DMD: variants seen among roughly 807,000 people sequenced by gnomAD.
DMD encodes dystrophin.
Under a neutral mutation model 330.1 loss-of-function variants are expected in DMD, and 63 were observed. The observed-to-expected ratio is 0.19, with a 90% CI of 0.16 to 0.24. DMD has a LOEUF of 0.24. Among genes scored for constraint, DMD ranks in the 10% least tolerant of loss-of-function variants. The probability of loss-of-function intolerance (pLI) is 1.00; values close to 1 mark genes in which losing one functional copy is unlikely to be tolerated. For synonymous variants in DMD, 1,223 were observed against 959.8 expected, an observed-to-expected ratio of 1.27 and a Z score of -5.07; for missense variants, 3,344 against 2,684.1, an observed-to-expected ratio of 1.25 and a Z score of -5.43.
intron 29 of DMD, among the ~76,000 whole-genome samples, chrX:32,420,171 G>T (rs927457951): frequency 1.8e-5 from 2 of 111,752 alleles, no homozygotes; most frequent in African/African-American, 6.5e-5. Flanking sequence ...CTCTTTGACT[G>T]CACATGTGTT....
At chrX:32,425,727 T>C (rs1198175531) in intron 29 of DMD, among the ~76,000 whole-genome samples, 1 of 111,479 alleles carries the variant, frequency 9.0e-6, no homozygotes, top group South Asian at 3.8e-4. Context: ...TCATGTTAGC[T>C]GACTTCAAAC....
intron 1 of DMD, among the ~76,000 whole-genome samples, chrX:33,235,517 G>T (rs1313769495): frequency 8.9e-6 from 1 of 111,870 alleles, no homozygotes; most frequent in Non-Finnish European, 1.9e-5. Flanking sequence ...TAATTTGTTA[G>T]TCCTACACAC....
intron 44 of DMD, among the ~76,000 whole-genome samples, chrX:32,153,142 A>C (rs1233061026): frequency 8.9e-6 from 1 of 112,262 alleles, no homozygotes; most frequent in Non-Finnish European, 1.9e-5. Context: ...AGAACAAGGG[A>C]AAACATAAGA....
intron 43 of DMD, among the ~76,000 whole-genome samples, chrX:32,238,104 G>A (rs760288024): frequency 1.2e-4 from 13 of 111,664 alleles, no homozygotes; most frequent in East Asian, 5.6e-4. Context: ...TATTTTCTCC[G>A]CACAATTTAT....
intron 30 of DMD, among the ~76,000 whole-genome samples, chrX:32,409,872 T>C (rs5972560): frequency 0.5 from 55,030 of 110,222 alleles, 10,422 homozygotes; most frequent in East Asian, 0.75. Flanking sequence ...CTCATTCCTA[T>C]CATGCATTTT....
intron 1 of DMD, among the ~76,000 whole-genome samples, chrX:33,285,286 CA>C (rs965927007): frequency 1.8e-4 from 19 of 104,797 alleles, no homozygotes; most frequent in African/African-American, 6.5e-4. Flanking sequence ...TCATAGATTT[CA>C]AAAAGTTTAA....
intron 7 of DMD, among the ~76,000 whole-genome samples, chrX:32,721,505 G>GA (rs369487460): frequency 0.017 from 1,838 of 105,391 alleles, 44 homozygotes; most frequent in African/African-American, 0.057. Context: ...CATCTTCTTT[G>GA]AAAAAAAAAA....
In DMD at chrX:32,418,971, T is replaced by TAAAAAAAAA. The variant is rs1569561948; in HGVS notation, c.4072-7059_4072-7058insTTTTTTTTT. On this transcript the variant is annotated intron_variant, in intron 29 of 78. Transcript: ENST00000357033. Reference sequence around the variant, plus strand: ...CTGGGTGACAGAGTGAGACTCTGTCTCAAAAAAAAAAAAAAAAAAAAAAAA... The same window carrying TAAAAAAAAA: ...CTGGGTGACAGAGTGAGACTCTGTCTAAAAAAAAACAAAAAAAAAAAAAAAAAAAAAAAA... Among the ~76,000 whole-genome samples, 8 of 18,921 alleles carry TAAAAAAAAA rather than the reference T, an allele frequency of 4.2e-4. 1 individual carries two copies. The African/African-American group carries it at 6.8e-3, about 16-fold the overall frequency. The allele number at this position is 18,921 out of a possible 115,157, so 16.4% of individuals were successfully genotyped here.
intron 51 of DMD, among the ~76,000 whole-genome samples, chrX:31,748,120 A>T (rs1343655389): frequency 8.9e-6 from 1 of 111,960 alleles, no homozygotes; most frequent in African/African-American, 3.2e-5. Flanking sequence ...TCTTTCTGCT[A>T]TATTAATGAT....
intron 45 of DMD, among the ~76,000 whole-genome samples, chrX:31,945,207 C>A (rs1463311579): frequency 8.9e-6 from 1 of 112,479 alleles, no homozygotes; most frequent in Non-Finnish European, 1.9e-5. Context: ...CATTAACTTA[C>A]TGTATTTTAT....
At chrX:32,362,687 A>C in intron 37 of DMD, 101 bp downstream of exon 37, 1 of 977,767 alleles carries the variant, frequency 1.0e-6, no homozygotes. Context: ...TTTCCTTTTG[A>C]AAACCTTGCT....
chrX:31,169,393 C>A (rs778733604), intron 74 of DMD, 50 bp downstream of exon 74: 1 of 995,016 alleles, frequency 1.0e-6, no homozygotes, highest in South Asian at 2.0e-5. Flanking sequence ...TCTATGTGTG[C>A]AAGTGTATGC....
intron 2 of DMD, among the ~76,000 whole-genome samples, chrX:32,850,956 A>G (rs1224243133): frequency 8.9e-6 from 1 of 111,847 alleles, no homozygotes; most frequent in East Asian, 2.8e-4. Context: ...GTACTATTAC[A>G]TAGAAGCATT....
At chrX:32,699,004 A>ATACAAAGCCTAATGTATGTATATG in intron 8 of DMD, 108 bp downstream of exon 8, 1 of 674,554 alleles carries the variant, frequency 1.5e-6, no homozygotes, top group Non-Finnish European at 2.3e-6. Flanking sequence ...CTTTGTATAT[A>ATACAAAGCCTAATGTATGTATATG]TACACGTGTA....
rs957148341 is a variant in DMD, at chrX:32,997,533, C to T, written c.93+22606G>A. Among the ~76,000 whole-genome samples the T allele has an allele frequency of 7.1e-5, 8 of 111,986 alleles. No homozygotes were observed. In the South Asian group the frequency reaches 1.1e-3, roughly 16 times the overall value. On this transcript the variant is annotated intron_variant, in intron 2 of 78. Coordinates refer to ENST00000357033, the MANE Select transcript of DMD (RefSeq NM_004006.3). ...TTCTGGGGTTATAGGCGTGAGCCAC[C>T]GCACCCGGCCCCTCTCACCTTTTGA...
chrX:31,141,845 G>A (rs764341999), intron 76 of DMD, among the ~76,000 whole-genome samples: 118 of 111,403 alleles, frequency 1.1e-3, no homozygotes, highest in African/African-American at 3.7e-3. Context: ...TGGAAGGAGC[G>A]CCCAGGGAGA....
chrX:32,565,795 A>T lies in DMD; in HGVS notation c.1899T>A (p.Asn633Lys), dbSNP rs753683083. The T allele has an allele frequency of 8.3e-7, 1 of 1,211,412 alleles. No individual in the cohort carries two copies. Among genetic ancestry groups the T allele is most frequent in the East Asian group, 3.0e-5 (1 of 33,818 alleles). ...CTTCCGTCTTCTGGGTCACTGACTT[A>T]TTCTTCAGTGTTGAAAGAAGATCTT... ...LKQDLLSTLK[N>K]KSVTQKTEAW... is the part of the protein sequence containing the mutation. The change falls in exon 16 of 79, where the codon AAT becomes AAA. Residue 633 changes from asparagine to lysine, a missense_variant. By Grantham distance (94) the Asn-to-Lys change is moderately conservative. Transcript: ENST00000357033.
chrX:31,465,418 G>C (rs1423650836), intron 59 of DMD, among the ~76,000 whole-genome samples: 2 of 110,392 alleles, frequency 1.8e-5, no homozygotes, highest in African/African-American at 6.6e-5. Context: ...ATGGGCTCTC[G>C]TTGTTCAACT....
chrX:32,588,857 C>G (rs901473995), intron 13 of DMD, among the ~76,000 whole-genome samples: 4 of 111,886 alleles, frequency 3.6e-5, no homozygotes, highest in Non-Finnish European at 7.5e-5. Context: ...GTTTCTGGTA[C>G]AGGTGTCATG....
Sources: gnomAD v4.1 joint callset for allele counts (sites outside exome capture counted in the v4.1 genomes callset) on GRCh38, gnomAD v4.1.1 for gene constraint, MANE v1.5 for transcripts, NCBI Gene and HGNC (gene_info 2026-07-23, HGNC 2026-07-21) for gene names.